SSH2: variants seen among roughly 807,000 people sequenced by gnomAD.
SSH2 encodes protein phosphatase Slingshot homolog 2.
A neutral mutation model predicts 135.2 loss-of-function variants in SSH2; 37 were observed. The ratio of observed to expected loss-of-function variants is 0.27; its 90% CI spans 0.21 to 0.36. The LOEUF is 0.36. SSH2 is among the 10% of genes least tolerant of loss of function. The pLI is 1.00. For synonymous variants in SSH2, 628 were observed against 646.2 expected (o/e 0.97, Z 0.43); for missense variants, 1,408 against 1,765.3 (o/e 0.80, Z 3.63).
chr17:29,863,850 G>A (rs1368072968), intron 1 of SSH2: 1 of 152,078 alleles, frequency 6.6e-6, no homozygotes, highest in Non-Finnish European at 1.5e-5. Context: ...TGTAATTGTT[G>A]GGATCCAATT....
At chr17:29,681,396 G>T (rs1462308923) in intron 6 of SSH2, among the ~76,000 whole-genome samples, 1 of 137,122 alleles carries the variant, frequency 7.3e-6, no homozygotes, top group Admixed American at 7.5e-5. Flanking sequence ...GGAAAGGACT[G>T]AATAAGGCAC....
At chr17:29,658,713 C>T (rs907195198) in intron 11 of SSH2, among the ~76,000 whole-genome samples, 3 of 151,806 alleles carry the variant, frequency 2.0e-5, no homozygotes, top group Non-Finnish European at 4.4e-5. Flanking sequence ...ACTAAAAATA[C>T]AAAATTAGCC....
At chr17:29,679,481 C>T (rs187938212) in intron 6 of SSH2, among the ~76,000 whole-genome samples, 1 of 151,934 alleles carries the variant, frequency 6.6e-6, no homozygotes, top group East Asian at 1.9e-4. Context: ...GATATCGGCT[C>T]ACTGCAACCT....
intron 1 of SSH2, chr17:29,928,395 G>A (rs2067108500): frequency 2.5e-6 from 1 of 396,542 alleles, no homozygotes; most frequent in Non-Finnish European, 4.4e-6. Flanking sequence ...ATTAGAAATA[G>A]TCTTAGAAGT....
At chr17:29,685,345 C>T (rs1356106700) in intron 5 of SSH2, among the ~76,000 whole-genome samples, 1 of 152,126 alleles carries the variant, frequency 6.6e-6, no homozygotes, top group Non-Finnish European at 1.5e-5. Flanking sequence ...AATGTAATAA[C>T]AGCATTGTGG....
At chr17:29,771,959 G>A (rs188970653) in intron 3 of SSH2, among the ~76,000 whole-genome samples, 1 of 152,250 alleles carries the variant, frequency 6.6e-6, no homozygotes, top group Non-Finnish European at 1.5e-5. Context: ...ATATGTTCAA[G>A]AATTTACCAC....
At chr17:29,793,143 AGT>A (rs1300704827) in intron 3 of SSH2, among the ~76,000 whole-genome samples, 2 of 151,830 alleles carry the variant, frequency 1.3e-5, no homozygotes, top group African/African-American at 2.4e-5. Flanking sequence ...TGTGGGAGGG[AGT>A]TACTTTTAAA....
At position 29,630,726 on chromosome 17, in the gene SSH2, C is replaced by T. The variant is rs1198618623; in HGVS notation, c.*115G>A. 1.7e-6 allele frequency: 2 copies of T among 1,154,442 alleles called. No homozygotes were observed. Among genetic ancestry groups the T allele is most frequent in the African/African-American group, 1.5e-5 (1 of 64,700 alleles). 71.5% of individuals were successfully genotyped at this position (1,154,442 alleles called of 1,614,324 possible). On this transcript the variant is annotated 3_prime_UTR_variant, in exon 16 of 16. Coordinates refer to ENST00000540801, the MANE Select transcript of SSH2 (RefSeq NM_001282129.2). ...ACCCAAACCCTGCATGCACCAGAAA[C>T]AGTAAAATGACCAAAATATTATAAA...
chr17:29,763,631 A>G (rs1461187419), intron 3 of SSH2, among the ~76,000 whole-genome samples: 1 of 152,190 alleles, frequency 6.6e-6, no homozygotes, highest in Non-Finnish European at 1.5e-5. Context: ...ATGGCATGGT[A>G]ATCATCTGTA....
intron 3 of SSH2, among the ~76,000 whole-genome samples, chr17:29,743,766 GA>G: frequency 6.6e-6 from 1 of 151,768 alleles, no homozygotes. Context: ...TTTTAATTTT[GA>G]AAAAAATTAT....
At chr17:29,912,388 C>T (rs1451216111) in intron 1 of SSH2, among the ~76,000 whole-genome samples, 1 of 152,092 alleles carries the variant, frequency 6.6e-6, no homozygotes, top group East Asian at 1.9e-4. Flanking sequence ...CTGTTACTTA[C>T]AATCAAAATA....
In SSH2 at chr17:29,835,724, T is replaced by C. The variant is rs1029343554; in HGVS notation, c.144+13125A>G. 2.6e-5 allele frequency among the ~76,000 whole-genome samples: 4 copies of C among 152,276 alleles called. No homozygotes were observed. The East Asian group carries it at 7.7e-4, about 29-fold the overall frequency. ...TGTCTCTCTCTATAATTTATTGAAA[T>C]TCATATACTGTTTATAGCCCTTTCT... On this transcript the variant is annotated intron_variant, in intron 2 of 15. Coordinates refer to ENST00000540801, the MANE Select transcript of SSH2 (RefSeq NM_001282129.2).
intron 3 of SSH2, chr17:29,761,321 C>T (rs1410940888): frequency 1.7e-6 from 2 of 1,196,014 alleles, no homozygotes; most frequent in African/African-American, 1.7e-5. Flanking sequence ...GGCCTCTGCT[C>T]TGCTCCGGCA....
At chr17:29,674,700 A>AT (rs1255012892) in intron 8 of SSH2, among the ~76,000 whole-genome samples, 3 of 152,134 alleles carry the variant, frequency 2.0e-5, no homozygotes, top group African/African-American at 7.2e-5. Context: ...GGGGTGTCCA[A>AT]TTTTTTGGCT....
At chr17:29,638,536 A>G (rs2036013359) in intron 14 of SSH2, among the ~76,000 whole-genome samples, 1 of 150,586 alleles carries the variant, frequency 6.6e-6, no homozygotes, top group South Asian at 2.1e-4. Context: ...ACACACACAC[A>G]CACACACACA....
chr17:29,667,725 C>T (rs1156433151), intron 9 of SSH2, among the ~76,000 whole-genome samples: 1 of 152,170 alleles, frequency 6.6e-6, no homozygotes, highest in Non-Finnish European at 1.5e-5. Flanking sequence ...AATGACAACT[C>T]TCACAATATC....
chr17:29,802,957 G>A (rs1022741247), intron 2 of SSH2, among the ~76,000 whole-genome samples: 5 of 152,162 alleles, frequency 3.3e-5, no homozygotes, highest in Non-Finnish European at 5.9e-5. Flanking sequence ...CTATCAGACA[G>A]GAAAAAGGAA....
chr17:29,909,134 T>C (rs550286720), intron 1 of SSH2, among the ~76,000 whole-genome samples: 48 of 152,290 alleles, frequency 3.2e-4, no homozygotes, highest in African/African-American at 1.1e-3. Flanking sequence ...TATTAAAAAC[T>C]ATACTCTATC....
At chr17:29,885,519 A>G (rs935126649) in intron 1 of SSH2, among the ~76,000 whole-genome samples, 1 of 152,116 alleles carries the variant, frequency 6.6e-6, no homozygotes, top group Non-Finnish European at 1.5e-5. Context: ...TAGTCACCAG[A>G]AACACCAATC....
Sources: allele counts gnomAD v4.1 joint callset (sites outside exome capture counted in the v4.1 genomes callset), GRCh38; gene constraint gnomAD v4.1.1; transcripts MANE v1.5; gene names NCBI Gene and HGNC (gene_info 2026-07-23, HGNC 2026-07-21).